ATP6V1E2: variants seen among roughly 807,000 people sequenced by gnomAD.
ATP6V1E2 encodes V-type proton ATPase subunit E 2.
For missense variants in ATP6V1E2, 308 were observed against 273.3 expected (o/e 1.13, Z -0.90); for synonymous variants, 121 against 104.2 (o/e 1.16, Z -0.98).
chr2:46,523,190 G>C (rs531831732), intron 4 of ATP6V1E2, among the ~76,000 whole-genome samples: 4 of 152,056 alleles, frequency 2.6e-5, no homozygotes, highest in Non-Finnish European at 5.9e-5. Context: ...TAGGTTGCCT[G>C]TTCACTCTGA....
intron 2 of ATP6V1E2, among the ~76,000 whole-genome samples, chr2:46,538,207 A>G (rs925005379): frequency 6.6e-5 from 10 of 152,002 alleles, no homozygotes; most frequent in Non-Finnish European, 1.0e-4. Flanking sequence ...CTTCACCCTT[A>G]TCCTTTCCAA....
chr2:46,512,835 G>A, intron 4 of ATP6V1E2, 23 bp from the exon 5 acceptor site: 1 of 811,374 alleles, frequency 1.2e-6, no homozygotes, highest in Non-Finnish European at 1.9e-6. Context: ...ACAAGAGGAT[G>A]AAAGAGAAAG....
intron 4 of ATP6V1E2, among the ~76,000 whole-genome samples, chr2:46,529,984 C>G (rs1367207440): frequency 6.6e-6 from 1 of 151,964 alleles, no homozygotes; most frequent in African/African-American, 2.4e-5. Context: ...TGTTTTCGAA[C>G]CAGAAAGAAA....
intron 2 of ATP6V1E2, among the ~76,000 whole-genome samples, chr2:46,538,300 C>T (rs949652440): frequency 4.6e-5 from 7 of 152,160 alleles, no homozygotes; most frequent in African/African-American, 1.7e-4. Context: ...ACTTTTGATA[C>T]CTTGTCAATG....
rs1427405554 is a variant in ATP6V1E2 at position 46,535,474 on chromosome 2, A to G, written c.-102+339T>C. 6.6e-6 allele frequency: 1 copy of G among 152,254 alleles called. No homozygotes were observed. Among genetic ancestry groups the G allele is most frequent in the East Asian group, 1.9e-4 (1 of 5,200 alleles). 9.4% of individuals were successfully genotyped at this position (152,254 alleles called of 1,614,324 possible). The stretch of plus-strand genomic sequence containing the variant: ...AGGCTAGAGAAGCTGCTCAAGATAG[A>G]AACAGTGTCCGACACATGACTCAGG... On this transcript the variant is annotated intron_variant, in intron 4 of 4. Coordinates refer to ENST00000522587, the MANE Select transcript of ATP6V1E2 (RefSeq NM_001318063.2). This position sits in a 1 kb window ranked among gnomAD's most constrained non-coding sequence, Gnocchi z 4.4.
In ATP6V1E2 at chr2:46,524,277, T is replaced by C. The variant is rs151152703; in HGVS notation, c.-101-11465A>G. The stretch of plus-strand genomic sequence containing the variant: ...GTAGGGGATGGTTTGAGACCTTCCA[T>C]GGGTAACAACAGAACACCAATAGGG... On this transcript the variant is annotated intron_variant, in intron 4 of 4. Coordinates refer to ENST00000522587, the MANE Select transcript of ATP6V1E2 (RefSeq NM_001318063.2). Among the ~76,000 whole-genome samples, 446 of 152,196 alleles carry C rather than the reference T, an allele frequency of 2.9e-3. 2 individuals carry two copies. The highest frequency in any genetic ancestry group is 0.01 in the African/African-American group (423 of 41,520).
intron 2 of ATP6V1E2, among the ~76,000 whole-genome samples, chr2:46,539,537 G>A (rs150904519): frequency 1.3e-5 from 2 of 152,376 alleles, no homozygotes; most frequent in Non-Finnish European, 2.9e-5. Flanking sequence ...ATTGGCCCTG[G>A]CCTTTGGCCT....
At position 46,512,576 on chromosome 2, in the gene ATP6V1E2, C is replaced by A. The variant is rs117965097; in HGVS notation, c.136G>T (p.Val46Leu). The A allele has an allele frequency of 4.0e-5, 65 of 1,614,030 alleles. No homozygotes were observed. The highest frequency in any genetic ancestry group is 3.0e-4 in the South Asian group (27 of 91,080). The change falls in exon 5 of 5, where the codon GTG becomes TTG. Residue 46 changes from valine (V) to leucine (L), a missense_variant. Val to Leu is a conservative substitution (Grantham distance 32). Coordinates refer to ENST00000522587, the MANE Select transcript of ATP6V1E2 (RefSeq NM_001318063.2). ...EEFNIEKGRL[V>L]QTQRLKIMEY... The stretch of plus-strand genomic sequence containing the variant: ...ATAATCTTCAGTCGTTGGGTTTGCA[C>A]GAGGCGTCCTTTCTCAATGTTAAAC...
intron 4 of ATP6V1E2, chr2:46,527,877 T>A (rs1667000398): frequency 6.6e-6 from 1 of 152,220 alleles, no homozygotes; most frequent in South Asian, 2.1e-4. Context: ...AATCAGGTTG[T>A]TTGTTTTTTT....
At chr2:46,519,318 A>T (rs1053759630) in intron 4 of ATP6V1E2, 1 of 152,230 alleles carries the variant, frequency 6.6e-6, no homozygotes, top group African/African-American at 2.4e-5. Context: ...TACAGCTGTC[A>T]TGTTGGCGGA....
At chr2:46,529,009 C>G (rs1344187790) in intron 4 of ATP6V1E2, among the ~76,000 whole-genome samples, 1 of 152,164 alleles carries the variant, frequency 6.6e-6, no homozygotes, top group African/African-American at 2.4e-5. Flanking sequence ...GAGGTCAGAG[C>G]CCCAGGCAGC....
At chr2:46,539,806 G>C (rs1324167966) in intron 2 of ATP6V1E2, among the ~76,000 whole-genome samples, 1 of 152,304 alleles carries the variant, frequency 6.6e-6, no homozygotes, top group East Asian at 1.9e-4. Flanking sequence ...TTAAGCCCCA[G>C]GTCAATGACA....
At chr2:46,515,618 G>A (rs61701220) in intron 4 of ATP6V1E2, among the ~76,000 whole-genome samples, 36,857 of 152,020 alleles carry the variant, frequency 0.24, 5,463 homozygotes, top group Middle Eastern at 0.34. Flanking sequence ...ACAAAAAGCC[G>A]TGAGACAAAA....
At chr2:46,515,061 T>G (rs1344211963) in intron 4 of ATP6V1E2, among the ~76,000 whole-genome samples, 1 of 152,054 alleles carries the variant, frequency 6.6e-6, no homozygotes, top group African/African-American at 2.4e-5. Flanking sequence ...GAAAGAAAAC[T>G]AAAGATTTTG....
intron 1 of ATP6V1E2, 49 bp from the exon 2 acceptor site, chr2:46,541,502 G>A (rs368529912): frequency 1.9e-4 from 29 of 152,208 alleles, no homozygotes; most frequent in African/African-American, 6.8e-4. Context: ...CCCCAAGTGT[G>A]CTCCAAGTCC....
At chr2:46,522,974 G>C (rs1296586654) in intron 4 of ATP6V1E2, among the ~76,000 whole-genome samples, 1 of 151,998 alleles carries the variant, frequency 6.6e-6, no homozygotes, top group Non-Finnish European at 1.5e-5. Flanking sequence ...GTTTTGATTT[G>C]CATTTCTTTG....
chr2:46,520,989 C>T (rs1666595759), intron 4 of ATP6V1E2, among the ~76,000 whole-genome samples: 1 of 152,126 alleles, frequency 6.6e-6, no homozygotes, highest in Non-Finnish European at 1.5e-5. Flanking sequence ...ATCAAGAGAA[C>T]ATTACCAGCA....
At chr2:46,518,381 G>A (rs759057087) in intron 4 of ATP6V1E2, among the ~76,000 whole-genome samples, 1 of 151,908 alleles carries the variant, frequency 6.6e-6, no homozygotes, top group Non-Finnish European at 1.5e-5. Context: ...AATGGGTGTA[G>A]TTTTCGTGAT....
intron 4 of ATP6V1E2, among the ~76,000 whole-genome samples, chr2:46,528,974 C>G (rs762153855): frequency 3.3e-5 from 5 of 152,168 alleles, no homozygotes; most frequent in African/African-American, 4.8e-5. Flanking sequence ...CCTAGAGCTG[C>G]CTATGGAGAA....
Sources: allele counts gnomAD v4.1 joint callset (sites outside exome capture counted in the v4.1 genomes callset), GRCh38; gene constraint gnomAD v4.1.1; non-coding constraint Gnocchi (gnomAD v3.1); transcripts MANE v1.5; gene names NCBI Gene and HGNC (gene_info 2026-07-23, HGNC 2026-07-21).